Variants in HEATR5B observed in about 807,000 individuals in gnomAD.
The protein encoded by HEATR5B is HEAT repeat containing 5B.
Under a neutral mutation model 224.1 loss-of-function variants are expected in HEATR5B, and 156 were observed. The ratio of observed to expected loss-of-function variants is 0.70; its 90% CI spans 0.61 to 0.80. The LOEUF (loss-of-function observed/expected upper bound fraction) is 0.80, where lower values mean the gene tolerates loss of function less well. Ranked by LOEUF, HEATR5B falls within the 30% of genes least tolerant of loss-of-function variation. The probability of loss-of-function intolerance (pLI) is 0.00; values close to 1 mark genes in which losing one functional copy is unlikely to be tolerated. For synonymous variants in HEATR5B, 1,027 were observed against 893.0 expected (o/e 1.15, Z -2.68); for missense variants, 2,323 against 2,535.5 (o/e 0.92, Z 1.80).
intron 18 of HEATR5B, among the ~76,000 whole-genome samples, chr2:37,047,186 AAAAT>A (rs1553316485): frequency 6.6e-6 from 1 of 151,834 alleles, no homozygotes; most frequent in Admixed American, 6.6e-5. Context: ...TCAAAAAAAA[AAAAT>A]AAATAAATAA....
chr2:37,033,333 G>T (rs775758095), intron 21 of HEATR5B, among the ~76,000 whole-genome samples: 2 of 152,062 alleles, frequency 1.3e-5, no homozygotes, highest in Non-Finnish European at 2.9e-5. Flanking sequence ...ATTGTCCCAA[G>T]ATCTGTGCTC....
intron 21 of HEATR5B, among the ~76,000 whole-genome samples, chr2:37,034,015 A>C (rs1243413403): frequency 6.6e-6 from 1 of 152,166 alleles, no homozygotes; most frequent in African/African-American, 2.4e-5. Flanking sequence ...AGAAGAACAC[A>C]TGTATGGAAT....
At chr2:37,016,164 G>A (rs986593501) in intron 26 of HEATR5B, among the ~76,000 whole-genome samples, 6 of 148,424 alleles carry the variant, frequency 4.0e-5, no homozygotes, top group Admixed American at 6.7e-5. Context: ...CCAGGTTGGA[G>A]CGCAGTGGCG....
At chr2:37,020,622 A>G (rs752106122) in intron 25 of HEATR5B, 33 bp downstream of exon 25, 4 of 1,467,376 alleles carry the variant, frequency 2.7e-6, no homozygotes, top group Middle Eastern at 1.9e-4. Flanking sequence ...CAAAAGATCA[A>G]TTTTAAGTTC....
In HEATR5B at chr2:36,990,793, G is replaced by C. The variant is rs1358172099; in HGVS notation, c.5552C>G (p.Ser1851Cys). 1 of 1,549,490 alleles carries C rather than the reference G, an allele frequency of 6.5e-7. No homozygotes were observed. Among genetic ancestry groups the C allele is most frequent in the East Asian group, 2.3e-5 (1 of 43,828 alleles). ...CILEYSQPED[S>C]VPTPDEVSML... ...GCTTACTTCATCAGGTGTAGGTACA[G>C]AGTCTTCTGAAAATGAAAAATGAAA... Residue 1851 changes from serine (S) to cysteine (C), a missense_variant, in exon 34 of 36, where the codon TCT becomes TGT. Ser to Cys is a moderately radical substitution (Grantham distance 112). This residue lies in a region of HEATR5B where 844 missense variants were observed against 812.9 expected (regional missense o/e 1.04). Coordinates refer to ENST00000233099, the MANE Select transcript of HEATR5B (RefSeq NM_019024.3).
At chr2:37,005,093 G>C (rs1667328204) in intron 30 of HEATR5B, among the ~76,000 whole-genome samples, 1 of 152,072 alleles carries the variant, frequency 6.6e-6, no homozygotes, top group South Asian at 2.1e-4. Context: ...TCATGATTTG[G>C]TCTTCACCTT....
chr2:36,983,822 T>A (rs1010398342), intron 35 of HEATR5B, among the ~76,000 whole-genome samples: 2 of 152,058 alleles, frequency 1.3e-5, no homozygotes, highest in African/African-American at 4.8e-5. Context: ...TTCAGTATAT[T>A]GGCTTGCTAA....
At chr2:37,016,534 G>A (rs560541727) in intron 26 of HEATR5B, among the ~76,000 whole-genome samples, 2 of 152,226 alleles carry the variant, frequency 1.3e-5, no homozygotes, top group African/African-American at 2.4e-5. Flanking sequence ...AAGATGTGTG[G>A]CAGCACCCCA....
chr2:37,044,801 C>T (rs1670089236), intron 18 of HEATR5B, among the ~76,000 whole-genome samples: 1 of 152,138 alleles, frequency 6.6e-6, no homozygotes, highest in African/African-American at 2.4e-5. Flanking sequence ...GATATTGGTC[C>T]CAGAAGTCAC....
chr2:36,987,528 C>T (rs934706224), intron 35 of HEATR5B, among the ~76,000 whole-genome samples: 1 of 151,336 alleles, frequency 6.6e-6, no homozygotes, highest in Non-Finnish European at 1.5e-5. Context: ...AATTAAAAAT[C>T]ATATTTTGAA....
Position 37,000,638 on chromosome 2 carries a change from C to T in HEATR5B, c.5493G>A (p.Trp1831Ter). 1 of 1,614,190 alleles carries T rather than the reference C, an allele frequency of 6.2e-7. No homozygotes were observed. Among genetic ancestry groups the T allele is most frequent in the East Asian group, 2.2e-5 (1 of 44,886 alleles). Residue 1831 changes from tryptophan to a stop codon, truncating the protein, a stop_gained, in exon 33 of 36, where the codon TGG becomes TGA. Transcript: ENST00000233099. LOFTEE classifies it high-confidence loss of function. ...AKTEAGVQKQWTALIRSTLAC... is the reference protein window; with the variant it reads ...AKTEAGVQKQ Reference sequence around the variant, plus strand: ...CAAGCGTGCTACGAATCAGAGCTGTCCACTGTTTTTGAACGCCAGCCTCAG... The same window carrying T: ...CAAGCGTGCTACGAATCAGAGCTGTTCACTGTTTTTGAACGCCAGCCTCAG...
chr2:37,033,973 G>C (rs1669304512), intron 21 of HEATR5B, among the ~76,000 whole-genome samples: 1 of 152,118 alleles, frequency 6.6e-6, no homozygotes, highest in Non-Finnish European at 1.5e-5. Context: ...TAATCTTTTA[G>C]AAAGAGTCCC....
intron 33 of HEATR5B, among the ~76,000 whole-genome samples, chr2:36,991,521 C>G (rs1460703253): frequency 1.3e-5 from 2 of 148,164 alleles, no homozygotes; most frequent in African/African-American, 5.0e-5. Flanking sequence ...AAAACTTGGA[C>G]AATTTCCTGA....
chr2:36,996,783 G>C (rs915694062), intron 33 of HEATR5B, among the ~76,000 whole-genome samples: 10 of 152,070 alleles, frequency 6.6e-5, no homozygotes, highest in African/African-American at 2.2e-4. Flanking sequence ...GTAGAGACAG[G>C]GTTTCTCCAT....
Position 37,019,796 on chromosome 2 carries a change from T to C in HEATR5B, c.4104+13A>G, listed in dbSNP as rs767239270. 6 of 1,575,342 alleles carry C rather than the reference T, an allele frequency of 3.8e-6. No homozygotes were observed. The highest frequency in any genetic ancestry group is 4.4e-6 in the Non-Finnish European group (5 of 1,146,812). ...TAGAAGACAACTATACAAAGTCCCA[T>C]TTTTCTTCTTACCTGGCAAGCTTTC... On this transcript the variant is annotated intron_variant, in intron 26 of 35. Transcript: ENST00000233099.
chr2:37,067,349 C>A (rs1041377789), intron 8 of HEATR5B, among the ~76,000 whole-genome samples: 17 of 152,206 alleles, frequency 1.1e-4, no homozygotes, highest in Admixed American at 8.5e-4. Context: ...AATCAATGTG[C>A]AAATTATTCT....
intron 35 of HEATR5B, among the ~76,000 whole-genome samples, chr2:36,988,271 C>CTT (rs1304666993): frequency 1.4e-5 from 2 of 146,866 alleles, no homozygotes; most frequent in Admixed American, 1.4e-4. Context: ...TTTTTCTTTT[C>CTT]TTTTTTTTTT....
chr2:37,016,406 C>T (rs898087069), intron 26 of HEATR5B, among the ~76,000 whole-genome samples: 1 of 151,952 alleles, frequency 6.6e-6, no homozygotes, highest in South Asian at 2.1e-4. Context: ...CCACCGCGCC[C>T]GGCCACATGT....
intron 33 of HEATR5B, among the ~76,000 whole-genome samples, chr2:36,999,506 C>T (rs1252201726): frequency 4.6e-5 from 7 of 151,690 alleles, no homozygotes; most frequent in Non-Finnish European, 1.0e-4. Flanking sequence ...GGTGAAACCC[C>T]GTCTCTACCA....
Sources: allele counts gnomAD v4.1 joint callset (sites outside exome capture counted in the v4.1 genomes callset), GRCh38; gene constraint gnomAD v4.1.1; regional missense constraint gnomAD v4.1.1; transcripts MANE v1.5; gene names NCBI Gene and HGNC (gene_info 2026-07-23, HGNC 2026-07-21).